The following TMC1 variants were observed in gnomAD, a reference collection of about 807,000 sequenced individuals.
TMC1 encodes transmembrane channel-like protein 1.
Under a neutral mutation model 105.8 loss-of-function variants are expected in TMC1, and 84 were observed. The ratio of observed to expected loss-of-function variants is 0.79; its 90% CI spans 0.67 to 0.95. The LOEUF (loss-of-function observed/expected upper bound fraction) is 0.95. Ranked by LOEUF, TMC1 falls within the 40% of genes least tolerant of loss-of-function variation. The pLI, the probability that TMC1 is intolerant of heterozygous loss-of-function variation, is 0.00. For synonymous variants in TMC1, 315 were observed against 311.5 expected, an observed-to-expected ratio of 1.01 and a Z score of -0.12; for missense variants, 817 against 914.1, an observed-to-expected ratio of 0.89 and a Z score of 1.37.
At chr9:72,680,730 G>A (rs1452744337) in intron 5 of TMC1, among the ~76,000 whole-genome samples, 21 of 151,938 alleles carry the variant, frequency 1.4e-4, no homozygotes, top group Non-Finnish European at 2.1e-4. Flanking sequence ...ACTGCCTTTT[G>A]TTCTTTGGAA....
intron 2 of TMC1, among the ~76,000 whole-genome samples, chr9:72,602,767 A>G (rs1045789825): frequency 6.6e-6 from 1 of 152,094 alleles, no homozygotes; most frequent in African/African-American, 2.4e-5. Context: ...TGTGACTAAT[A>G]TTGCCTTTTT....
chr9:72,534,352 C>A (rs946974863), intron 1 of TMC1, among the ~76,000 whole-genome samples: 1 of 151,998 alleles, frequency 6.6e-6, no homozygotes, highest in Non-Finnish European at 1.5e-5. Flanking sequence ...AGGATCCAAC[C>A]TTTAATTATG....
chr9:72,522,955 A>G (rs573181491), intron 1 of TMC1, among the ~76,000 whole-genome samples: 1 of 152,322 alleles, frequency 6.6e-6, no homozygotes, highest in African/African-American at 2.4e-5. Context: ...TACTCAGTAG[A>G]TGACAGTATC....
intron 9 of TMC1, among the ~76,000 whole-genome samples, chr9:72,740,703 T>C (rs905628115): frequency 1.3e-5 from 2 of 152,210 alleles, no homozygotes; most frequent in African/African-American, 4.8e-5. Context: ...AAGCACTGAA[T>C]TGAATTCTTT....
At chr9:72,628,211 C>G (rs1022711891) in intron 4 of TMC1, 148 bp downstream of exon 4, 5 of 349,090 alleles carry the variant, frequency 1.4e-5, no homozygotes, top group Admixed American at 9.4e-5. Context: ...GGGAGATTGT[C>G]TAAGCTGTCA....
intron 2 of TMC1, among the ~76,000 whole-genome samples, chr9:72,580,855 CACA>C (rs1478204688): frequency 1.3e-5 from 2 of 152,154 alleles, no homozygotes; most frequent in Non-Finnish European, 2.9e-5. Flanking sequence ...CTACTGATAA[CACA>C]ACACCTCTTC....
chr9:72,819,235 AC>A (rs1828834100), intron 19 of TMC1, among the ~76,000 whole-genome samples: 1 of 152,224 alleles, frequency 6.6e-6, no homozygotes, highest in Non-Finnish European at 1.5e-5. Flanking sequence ...ACCACACAGG[AC>A]TTTTAAAGTT....
intron 13 of TMC1, among the ~76,000 whole-genome samples, chr9:72,786,761 C>A (rs1325600127): frequency 3.3e-5 from 5 of 152,094 alleles, no homozygotes; most frequent in Non-Finnish European, 7.4e-5. Flanking sequence ...CTTTTCACAC[C>A]CTTTCCCACA....
intron 7 of TMC1, among the ~76,000 whole-genome samples, chr9:72,698,060 G>A (rs1826580215): frequency 6.6e-6 from 1 of 151,650 alleles, no homozygotes; most frequent in South Asian, 2.1e-4. Context: ...AAAAATTGTG[G>A]ATATAGATAG....
chr9:72,587,281 C>A (rs565473667), intron 2 of TMC1, among the ~76,000 whole-genome samples: 112 of 152,192 alleles, frequency 7.4e-4, no homozygotes, highest in Non-Finnish European at 1.1e-3. Flanking sequence ...GCCTCAGCCT[C>A]CTGAGTAGCT....
chr9:72,574,896 A>G (rs1824349707), intron 1 of TMC1, among the ~76,000 whole-genome samples: 1 of 152,128 alleles, frequency 6.6e-6, no homozygotes, highest in South Asian at 2.1e-4. Flanking sequence ...TGTCTCCACC[A>G]TAAAGCTTAG....
chr9:72,685,308 GT>G (rs1826361865), intron 5 of TMC1, among the ~76,000 whole-genome samples: 1 of 147,940 alleles, frequency 6.8e-6, no homozygotes, highest in Admixed American at 6.8e-5. Context: ...GGGTTTCACT[GT>G]GTTAGCCAGG....
chr9:72,778,926 T>G (rs1828047249), intron 13 of TMC1, among the ~76,000 whole-genome samples: 1 of 152,148 alleles, frequency 6.6e-6, no homozygotes, highest in Admixed American at 6.5e-5. Context: ...GCCTCCCCCC[T>G]CTGCTTTGCC....
chr9:72,738,936 C>A (rs555879507), intron 8 of TMC1, among the ~76,000 whole-genome samples: 1 of 152,202 alleles, frequency 6.6e-6, no homozygotes, highest in South Asian at 2.1e-4. Flanking sequence ...CCCCCGAGAG[C>A]TGAAGACAAG....
At chr9:72,562,859 G>C (rs1281807302) in intron 1 of TMC1, among the ~76,000 whole-genome samples, 4 of 152,200 alleles carry the variant, frequency 2.6e-5, no homozygotes, top group Non-Finnish European at 4.4e-5. Context: ...GCAGACGCCT[G>C]TAACCCCAGC....
At chr9:72,755,032 GAAA>G (rs1827651033) in intron 12 of TMC1, 148 bp downstream of exon 12, 1 of 230,954 alleles carries the variant, frequency 4.3e-6, no homozygotes, top group Admixed American at 5.0e-5. Context: ...AGGAAAGAAA[GAAA>G]GAAAGAGAGA....
chr9:72,791,949 T>C lies in TMC1; in HGVS notation c.1288T>C (p.Leu430=). Residue 430 remains leucine (L), a synonymous_variant, in exon 16 of 24, where the codon TTA becomes CTA. Coordinates refer to ENST00000297784, the MANE Select transcript of TMC1 (RefSeq NM_138691.3). The part of the protein sequence containing the change: ...CPTLFDLFAE[L]EDYHPLIALK... The stretch of plus-strand genomic sequence containing the variant: ...AACATTGTTTGACTTATTTGCTGAA[T>C]TAGAAGACTACCATCCTCTCATCGC... The C allele has an allele frequency of 6.2e-7, 1 of 1,613,984 alleles. No individual in the cohort carries two copies. The highest frequency in any genetic ancestry group is 8.5e-7 in the Non-Finnish European group (1 of 1,179,958).
chr9:72,585,352 G>T (rs527497872), intron 2 of TMC1, among the ~76,000 whole-genome samples: 8 of 151,248 alleles, frequency 5.3e-5, no homozygotes, highest in African/African-American at 1.9e-4. Context: ...GGGTTTCAGC[G>T]TGTTAGCCAG....
intron 8 of TMC1, among the ~76,000 whole-genome samples, chr9:72,709,052 A>C (rs1826792068): frequency 6.6e-6 from 1 of 152,008 alleles, no homozygotes; most frequent in Non-Finnish European, 1.5e-5. Flanking sequence ...AATAGGCAAA[A>C]GAAAGAAGAG....
Sources: gnomAD v4.1 joint callset for allele counts (sites outside exome capture counted in the v4.1 genomes callset) on GRCh38, gnomAD v4.1.1 for gene constraint, MANE v1.5 for transcripts, NCBI Gene and HGNC (gene_info 2026-07-23, HGNC 2026-07-21) for gene names.